The following ATP8A1 variants were observed in gnomAD, a reference collection of about 807,000 sequenced individuals.
ATP8A1 encodes the protein phospholipid-transporting ATPase IA.
Under a neutral mutation model 177.7 loss-of-function variants are expected in ATP8A1, and 90 were observed. That is an observed-to-expected ratio of 0.51 (90% CI 0.43 to 0.60). ATP8A1 has a LOEUF of 0.60. Ranked by LOEUF, ATP8A1 falls within the 20% of genes least tolerant of loss-of-function variation. ATP8A1 has a pLI of 0.00. For missense variants in ATP8A1, 1,072 were observed against 1,392.8 expected (o/e 0.77, Z 3.67); for synonymous variants, 493 against 485.9 (o/e 1.01, Z -0.19).
In ATP8A1 at chr4:42,656,907, G is replaced by C; in HGVS notation, c.-34C>G. 6.5e-7 allele frequency: 1 copy of C among 1,543,624 alleles called. No individual in the cohort carries two copies. Among genetic ancestry groups the C allele is most frequent in the South Asian group, 1.2e-5 (1 of 83,020 alleles). ...CGGCTGCAGGTGGGTCCTCAGCCCG[G>C]ACTCTGCACCTGTCACGGCGTGGTA... On this transcript the variant is annotated 5_prime_UTR_variant, in exon 1 of 37. Coordinates refer to ENST00000381668, the MANE Select transcript of ATP8A1 (RefSeq NM_006095.2).
At chr4:42,551,349 A>G (rs1156579896) in intron 17 of ATP8A1, 69 bp from the exon 18 acceptor site, 1 of 1,035,076 alleles carries the variant, frequency 9.7e-7, no homozygotes, top group Non-Finnish European at 1.5e-6. Flanking sequence ...CAAGAGAAGT[A>G]CATTAAGGTA....
rs777508784 is a variant in ATP8A1 at position 42,422,869 on chromosome 4, G to A, written c.3243C>T (p.Val1081=). ...VIKRTAFKTL[V]DEVQELEAKS... ...TTGCCTCCAGCTCCTGAACTTCATC[G>A]ACCAATGTTTTAAAAGCAGTCCTCT... The change falls in exon 35 of 37, where the codon GTC becomes GTT. Residue 1081 remains valine (V), a synonymous_variant. Coordinates refer to ENST00000381668, the MANE Select transcript of ATP8A1 (RefSeq NM_006095.2). 5.0e-6 allele frequency: 8 copies of A among 1,611,854 alleles called. No homozygotes were observed. In the African/African-American group the frequency reaches 5.4e-5, roughly 11 times the overall value.
At chr4:42,597,531 G>T (rs1056722052) in intron 6 of ATP8A1, among the ~76,000 whole-genome samples, 2 of 152,118 alleles carry the variant, frequency 1.3e-5, no homozygotes, top group East Asian at 3.8e-4. Context: ...CTTGTCGAAT[G>T]AATAGTATAA....
At chr4:42,589,518 T>C (rs1319269289) in intron 7 of ATP8A1, among the ~76,000 whole-genome samples, 1 of 152,228 alleles carries the variant, frequency 6.6e-6, no homozygotes, top group African/African-American at 2.4e-5. Flanking sequence ...AAAAATATTT[T>C]ACTGATTCAT....
chr4:42,626,973 G>A (rs1223041784), intron 2 of ATP8A1, 22 bp downstream of exon 2: 2 of 1,576,340 alleles, frequency 1.3e-6, no homozygotes, highest in East Asian at 2.2e-5. Context: ...CTGGTCTCAT[G>A]GCATTCTTTG....
chr4:42,468,430 T>TACAC (rs139371340), intron 25 of ATP8A1, among the ~76,000 whole-genome samples: 34,841 of 150,378 alleles, frequency 0.23, 4,036 homozygotes, highest in African/African-American at 0.26. Flanking sequence ...ATATATTTTA[T>TACAC]ACACACACAC....
chr4:42,433,344 T>C (rs2153171362), intron 33 of ATP8A1, among the ~76,000 whole-genome samples: 1 of 152,320 alleles, frequency 6.6e-6, no homozygotes, highest in East Asian at 1.9e-4. Context: ...CCTAATTGTC[T>C]GTGGGACTAC....
intron 24 of ATP8A1, among the ~76,000 whole-genome samples, chr4:42,492,143 A>G (rs1374085454): frequency 6.6e-6 from 1 of 152,196 alleles, no homozygotes; most frequent in Admixed American, 6.5e-5. Context: ...GTAAAAGGAA[A>G]AAGCCTGTCT....
intron 8 of ATP8A1, 67 bp downstream of exon 8, chr4:42,588,193 G>GA: frequency 7.4e-7 from 1 of 1,351,338 alleles, no homozygotes; most frequent in Non-Finnish European, 1.0e-6. Flanking sequence ...ATAACACAAA[G>GA]AAAGAAGCTC....
At chr4:42,612,496 C>A (rs1351585574) in intron 5 of ATP8A1, among the ~76,000 whole-genome samples, 1 of 149,530 alleles carries the variant, frequency 6.7e-6, no homozygotes, top group Non-Finnish European at 1.5e-5. Flanking sequence ...GTGGAGTGGA[C>A]CATAAAACTC....
In ATP8A1 at chr4:42,627,126, C is replaced by CTTA; in HGVS notation, c.50-20_50-18dup. ...TCTCATAACCTTAAAAAGAGATCTT[C>CTTA]TTATTGTACAAGAAATGTTTTATTG... On this transcript the variant is annotated splice_polypyrimidine_tract_variant and intron_variant, in intron 1 of 36. Coordinates refer to ENST00000381668, the MANE Select transcript of ATP8A1 (RefSeq NM_006095.2). 1.3e-6 allele frequency: 2 copies of CTTA among 1,575,204 alleles called. No individual in the cohort carries two copies. The highest frequency in any genetic ancestry group is 1.7e-6 in the Non-Finnish European group (2 of 1,146,732).
At chr4:42,421,603 A>C (rs2153167503) in intron 35 of ATP8A1, among the ~76,000 whole-genome samples, 1 of 152,242 alleles carries the variant, frequency 6.6e-6, no homozygotes, top group African/African-American at 2.4e-5. Flanking sequence ...ATTATTTTCA[A>C]AAAAGTGGCA....
chr4:42,644,661 G>A (rs1355094687), intron 1 of ATP8A1, among the ~76,000 whole-genome samples: 3 of 151,234 alleles, frequency 2.0e-5, no homozygotes, highest in Non-Finnish European at 2.9e-5. Flanking sequence ...CTTCCCACCC[G>A]GCAGTGGCCA....
intron 35 of ATP8A1, among the ~76,000 whole-genome samples, chr4:42,417,707 A>G (rs1713404031): frequency 6.6e-6 from 1 of 152,240 alleles, no homozygotes; most frequent in Non-Finnish European, 1.5e-5. Context: ...GCATTTGTCT[A>G]CATATTGAGT....
intron 1 of ATP8A1, among the ~76,000 whole-genome samples, chr4:42,637,513 T>C (rs1416729857): frequency 6.6e-6 from 1 of 152,208 alleles, no homozygotes; most frequent in Non-Finnish European, 1.5e-5. Context: ...CCTTCAACAA[T>C]TGATAGCTTT....
chr4:42,560,226 A>T (rs896294581), intron 15 of ATP8A1, among the ~76,000 whole-genome samples: 2 of 152,186 alleles, frequency 1.3e-5, no homozygotes, highest in African/African-American at 4.8e-5. Context: ...ATGTATGAAT[A>T]TTTATAGAAG....
At chr4:42,653,990 A>C (rs1430480783) in intron 1 of ATP8A1, among the ~76,000 whole-genome samples, 1 of 152,218 alleles carries the variant, frequency 6.6e-6, no homozygotes, top group Non-Finnish European at 1.5e-5. Context: ...CCTGCTGCTC[A>C]GACTGTGATC....
chr4:42,584,952 T>C lies in ATP8A1; in HGVS notation c.722+1397A>G, dbSNP rs555020644. Among the ~76,000 whole-genome samples the C allele has an allele frequency of 1.9e-4, 29 of 152,256 alleles. No individual in the cohort carries two copies. In the South Asian group the frequency reaches 6.0e-3, roughly 32 times the overall value. The stretch of plus-strand genomic sequence containing the variant: ...CTACAAAGCCCATAGGATCTGGCCC[T>C]CTATTTTCTCTAGGCCCTTCTTCTA... On this transcript the variant is annotated intron_variant, in intron 9 of 36. Coordinates refer to ENST00000381668, the MANE Select transcript of ATP8A1 (RefSeq NM_006095.2).
At chr4:42,546,062 A>G (rs1022263019) in intron 19 of ATP8A1, among the ~76,000 whole-genome samples, 10 of 151,944 alleles carry the variant, frequency 6.6e-5, no homozygotes, top group African/African-American at 2.4e-4. Flanking sequence ...TTTTTTCCTG[A>G]TATGATGGAA....
Sources: gnomAD v4.1 joint callset for allele counts (sites outside exome capture counted in the v4.1 genomes callset) on GRCh38, gnomAD v4.1.1 for gene constraint, MANE v1.5 for transcripts, NCBI Gene and HGNC (gene_info 2026-07-23, HGNC 2026-07-21) for gene names.